USP25: variants seen among roughly 807,000 people sequenced by gnomAD.
USP25 encodes ubiquitin carboxyl-terminal hydrolase 25.
USP25 carries 85 observed loss-of-function variants against 158.5 expected under a neutral mutation model. That is an observed-to-expected ratio of 0.54 (90% CI 0.45 to 0.64). USP25 has a LOEUF of 0.64. USP25 is among the 30% of genes least tolerant of loss of function. USP25 has a pLI of 0.00. For synonymous variants in USP25, 464 were observed against 460.4 expected (o/e 1.01, Z -0.10); for missense variants, 1,242 against 1,327.3 (o/e 0.94, Z 1.00).
At chr21:15,874,221 G>T (rs774961760) in intron 23 of USP25, among the ~76,000 whole-genome samples, 182 bp from the exon 24 acceptor site, 4 of 151,974 alleles carry the variant, frequency 2.6e-5, no homozygotes, top group African/African-American at 4.8e-5. Flanking sequence ...CTATCTCTGG[G>T]TTTCAGATGT....
intron 1 of USP25, among the ~76,000 whole-genome samples, chr21:15,748,900 G>A (rs1410024877): frequency 6.6e-6 from 1 of 152,084 alleles, no homozygotes; most frequent in Non-Finnish European, 1.5e-5. Context: ...TATTTCTGTT[G>A]TCAACTATAC....
intron 11 of USP25, 92 bp downstream of exon 11, chr21:15,824,258 A>G: frequency 1.4e-6 from 2 of 1,480,550 alleles, no homozygotes; most frequent in Non-Finnish European, 1.8e-6. Flanking sequence ...ATTTTCTTAG[A>G]ATTAATTTCT....
In USP25 at chr21:15,847,727, A is replaced by G. The variant is rs1242318266; in HGVS notation, c.2402A>G (p.His801Arg). ...NQRVVEVAIP[H>R]VGKFMIESKE... Reference sequence around the variant, plus strand: ...CGAGTTGTAGAGGTGGCGATCCCTCATGTAGGGAAATTTATGATTGAATCA... The same window carrying G: ...CGAGTTGTAGAGGTGGCGATCCCTCGTGTAGGGAAATTTATGATTGAATCA... Residue 801 changes from histidine to arginine, a missense_variant, in exon 19 of 26, where the codon CAT becomes CGT. Physicochemically the swap from His to Arg is conservative, Grantham distance 29. Transcript: ENST00000400183. 6.5e-7 allele frequency: 1 copy of G among 1,550,166 alleles called. No homozygotes were observed. The highest frequency in any genetic ancestry group is 2.0e-5 in the Admixed American group (1 of 50,998).
At position 15,799,852 on chromosome 21, in the gene USP25, C is replaced by T. The variant is rs758501717; in HGVS notation, c.642+9C>T. 3 of 1,596,746 alleles carry T rather than the reference C, an allele frequency of 1.9e-6. No individual in the cohort carries two copies. Among genetic ancestry groups the T allele is most frequent in the Non-Finnish European group, 1.7e-6 (2 of 1,169,592 alleles). ...TACCCCGAAACCAAAAGGTAAAATT[C>T]AAAAGATTTTTTTAAGCAGTATATA... On this transcript the variant is annotated intron_variant, in intron 6 of 25. Coordinates refer to ENST00000400183, the MANE Select transcript of USP25 (RefSeq NM_001283041.3).
At chr21:15,758,981 G>T (rs916849779) in intron 1 of USP25, among the ~76,000 whole-genome samples, 4 of 152,100 alleles carry the variant, frequency 2.6e-5, no homozygotes, top group Admixed American at 1.3e-4. Flanking sequence ...ATAATTAATG[G>T]CCATCAACAT....
At chr21:15,835,658 A>T (rs1442471446) in intron 17 of USP25, among the ~76,000 whole-genome samples, 1 of 152,202 alleles carries the variant, frequency 6.6e-6, no homozygotes, top group Non-Finnish European at 1.5e-5. Flanking sequence ...AAGAGATGGA[A>T]ATGGTCAATT....
chr21:15,817,573 A>G (rs1274755260), intron 9 of USP25, among the ~76,000 whole-genome samples: 2 of 152,174 alleles, frequency 1.3e-5, no homozygotes, highest in Non-Finnish European at 2.9e-5. Context: ...CAAAAGAAAG[A>G]GGTTTAATGG....
chr21:15,805,432 G>A (rs891757676), intron 7 of USP25, 174 bp downstream of exon 7: 2 of 545,822 alleles, frequency 3.7e-6, no homozygotes, highest in Non-Finnish European at 5.6e-6. Flanking sequence ...GATCTTGAAG[G>A]TGTTAAAATA....
rs1338697060 is a variant in USP25, at chr21:15,874,487, TGAA to T, written c.2974_2976del (p.Glu992del). 1 of 1,610,994 alleles carries T rather than the reference TGAA, an allele frequency of 6.2e-7. No homozygotes were observed. The highest frequency in any genetic ancestry group is 1.1e-5 in the South Asian group (1 of 90,660). On this transcript the variant is annotated inframe_deletion, in exon 24 of 26. Coordinates refer to ENST00000400183, the MANE Select transcript of USP25 (RefSeq NM_001283041.3). ...CTAAAGGCTTATACAGAGGACATGA[TGAA>T]GAATTGATATCACATTATAGAAGAG...
chr21:15,863,636 C>T (rs1265669095), intron 20 of USP25, among the ~76,000 whole-genome samples: 1 of 152,184 alleles, frequency 6.6e-6, no homozygotes, highest in East Asian at 1.9e-4. Context: ...TAGACTTTGA[C>T]TAGGCTCTGA....
intron 16 of USP25, among the ~76,000 whole-genome samples, chr21:15,832,932 C>T (rs1452319501): frequency 6.6e-6 from 1 of 152,096 alleles, no homozygotes; most frequent in South Asian, 2.1e-4. Flanking sequence ...GCGGGAGAAT[C>T]GTCTGAACCC....
At chr21:15,789,209 T>A (rs1310241531) in intron 4 of USP25, among the ~76,000 whole-genome samples, 1 of 152,100 alleles carries the variant, frequency 6.6e-6, no homozygotes, top group Non-Finnish European at 1.5e-5. Flanking sequence ...AACATGCCAA[T>A]CAAGTGGTGT....
At chr21:15,815,555 C>A (rs769085893) in intron 9 of USP25, among the ~76,000 whole-genome samples, 3 of 152,182 alleles carry the variant, frequency 2.0e-5, no homozygotes, top group Non-Finnish European at 2.9e-5. Context: ...CCTCTTGCAT[C>A]AGTGTGACCT....
At position 15,824,958 on chromosome 21, in the gene USP25, T is replaced by G; in HGVS notation, c.1209-8T>G. ...TCGGAAATGCTAATGATTACCTTTT[T>G]CTGATAGATACATGCACAGAAACAG... On this transcript the variant is annotated splice_polypyrimidine_tract_variant and splice_region_variant and intron_variant, in intron 11 of 25. Transcript: ENST00000400183. 6.3e-7 allele frequency: 1 copy of G among 1,599,866 alleles called. No individual in the cohort carries two copies. Among genetic ancestry groups the G allele is most frequent in the Non-Finnish European group, 8.5e-7 (1 of 1,169,760 alleles).
intron 20 of USP25, among the ~76,000 whole-genome samples, chr21:15,860,461 T>G (rs2039376803): frequency 6.6e-6 from 1 of 152,136 alleles, no homozygotes; most frequent in African/African-American, 2.4e-5. Flanking sequence ...GGCCTGGAAA[T>G]TTTTTTGACT....
chr21:15,778,814 T>C lies in USP25; in HGVS notation c.392+787T>C, dbSNP rs561554854. On this transcript the variant is annotated intron_variant, in intron 4 of 25. Transcript: ENST00000400183. ...CTATTTGAAGGCAGTGGTAACTCTA[T>C]GTTACTGAAGAAGAAATTTACTTGC... Among the ~76,000 whole-genome samples, 6 of 152,278 alleles carry C rather than the reference T, an allele frequency of 3.9e-5. No homozygotes were observed. In the East Asian group the frequency reaches 1.2e-3, roughly 29 times the overall value.
At chr21:15,857,301 A>G (rs1054741927) in intron 20 of USP25, among the ~76,000 whole-genome samples, 1 of 152,186 alleles carries the variant, frequency 6.6e-6, no homozygotes, top group Non-Finnish European at 1.5e-5. Flanking sequence ...GTTATTTTCA[A>G]TATCGTGAAC....
chr21:15,762,850 G>A (rs778227352), intron 1 of USP25, 41 bp from the exon 2 acceptor site: 16 of 1,531,970 alleles, frequency 1.0e-5, no homozygotes, highest in African/African-American at 1.4e-5. Flanking sequence ...TATATTTTCA[G>A]AGTTGAGAAT....
At chr21:15,872,014 G>GTTTTT (rs1158862222) in intron 23 of USP25, among the ~76,000 whole-genome samples, 15 of 71,638 alleles carry the variant, frequency 2.1e-4, no homozygotes, top group African/African-American at 6.7e-4. Flanking sequence ...AAGAAATACT[G>GTTTTT]TTTTTTTTTT....
Sources: allele counts gnomAD v4.1 joint callset (sites outside exome capture counted in the v4.1 genomes callset), GRCh38; gene constraint gnomAD v4.1.1; transcripts MANE v1.5; gene names NCBI Gene and HGNC (gene_info 2026-07-23, HGNC 2026-07-21).